The following MAP6 variants were observed in gnomAD, a reference collection of about 807,000 sequenced individuals.
MAP6 encodes microtubule-associated protein 6.
In MAP6, 26 loss-of-function variants were observed where a neutral mutation model predicts 42.4. The observed-to-expected ratio is 0.61, with a 90% confidence interval of 0.45 to 0.85. MAP6 has a LOEUF of 0.85. MAP6 is among the 40% of genes least tolerant of loss of function. MAP6 has a pLI of 0.00. For missense variants in MAP6, 966 were observed against 1,099.0 expected, an observed-to-expected ratio of 0.88 and a Z score of 1.71; for synonymous variants, 418 against 443.8, an observed-to-expected ratio of 0.94 and a Z score of 0.73.
intron 1 of MAP6, among the ~76,000 whole-genome samples, chr11:75,629,980 A>C (rs1159207849): frequency 1.3e-5 from 2 of 152,240 alleles, no homozygotes; most frequent in Non-Finnish European, 2.9e-5. Flanking sequence ...CAGCAAAGAC[A>C]AGGCTAGGAC....
intron 3 of MAP6, 69 bp downstream of exon 3, chr11:75,605,739 G>A (rs376593543): frequency 1.3e-6 from 2 of 1,575,552 alleles, no homozygotes; most frequent in African/African-American, 1.4e-5. Context: ...TGGTTTGTTG[G>A]TTTAAAAAAA....
At chr11:75,633,270 G>A (rs1279699448) in intron 1 of MAP6, among the ~76,000 whole-genome samples, 2 of 152,128 alleles carry the variant, frequency 1.3e-5, no homozygotes, top group Admixed American at 1.3e-4. Flanking sequence ...AAAGGTCCAT[G>A]TGCCTTTTGT....
chr11:75,612,338 G>C (rs141635189), intron 1 of MAP6, among the ~76,000 whole-genome samples: 2,140 of 152,354 alleles, frequency 0.014, 34 homozygotes, highest in African/African-American at 0.035. Flanking sequence ...AGCCATGGAT[G>C]AGGTGTCTAG....
intron 1 of MAP6, among the ~76,000 whole-genome samples, chr11:75,665,107 T>C (rs1565284563): frequency 1.3e-5 from 2 of 152,204 alleles, no homozygotes; most frequent in East Asian, 3.8e-4. Flanking sequence ...AAAGATTTTT[T>C]TGACAGGTTA....
intron 3 of MAP6, among the ~76,000 whole-genome samples, chr11:75,591,855 A>G (rs1942482400): frequency 6.6e-6 from 1 of 152,174 alleles, no homozygotes; most frequent in African/African-American, 2.4e-5. Flanking sequence ...AACGATATAA[A>G]TGTCAGGGAT....
chr11:75,609,241 G>A (rs1269934555), intron 1 of MAP6, among the ~76,000 whole-genome samples: 3 of 152,210 alleles, frequency 2.0e-5, no homozygotes, highest in Non-Finnish European at 2.9e-5. Context: ...CAGGCCACGA[G>A]GGTCTATTCT....
Position 75,667,870 on chromosome 11 carries a change from C to G in MAP6, c.500G>C (p.Arg167Pro). 2 of 1,444,202 alleles carry G rather than the reference C, an allele frequency of 1.4e-6. No homozygotes were observed. Among genetic ancestry groups the G allele is most frequent in the Non-Finnish European group, 1.8e-6 (2 of 1,095,626 alleles). 89.5% of individuals were successfully genotyped at this position (1,444,202 alleles called of 1,614,324 possible). Residue 167 changes from arginine (R) to proline (P), a missense_variant, in exon 1 of 4, where the codon CGC (arginine) becomes CCC (proline). This residue lies in a region of MAP6 where 943 missense variants were observed against 1,049.9 expected (regional missense o/e 0.90). Transcript: ENST00000304771. The surrounding 1 kb of genome is among the most constrained non-coding windows in gnomAD (Gnocchi z 5.6). Reference sequence around the variant, plus strand: ...GGGGATCCACGGGTGGTCCCCGCGGCGCGGCAGCGGCCAGGCGCGGAAGTC... The same window carrying G: ...GGGGATCCACGGGTGGTCCCCGCGGGGCGGCAGCGGCCAGGCGCGGAAGTC... ...QKDFRAWPLP[R>P]RGDHPWIPKP... is the part of the protein sequence containing the mutation.
intron 3 of MAP6, among the ~76,000 whole-genome samples, chr11:75,598,183 G>C (rs1942614205): frequency 6.6e-6 from 1 of 152,220 alleles, no homozygotes. Flanking sequence ...TATATTCGAA[G>C]AGTGATCGAT....
rs534394060 is a variant in MAP6, at chr11:75,658,938, T to C, written c.905+8527A>G. Among the ~76,000 whole-genome samples the C allele has an allele frequency of 1.2e-4, 19 of 152,356 alleles. No homozygotes were observed. In the South Asian group the frequency reaches 3.7e-3, roughly 30 times the overall value. On this transcript the variant is annotated intron_variant, in intron 1 of 3. Transcript: ENST00000304771. ...CTCTTCTCTGTGCTCCACCATGCCC[T>C]GCACAGATATTTTATCAGGGCACCT...
intron 1 of MAP6, among the ~76,000 whole-genome samples, chr11:75,624,390 A>T (rs1217520961): frequency 6.6e-6 from 1 of 152,098 alleles, no homozygotes; most frequent in Non-Finnish European, 1.5e-5. Context: ...TCTATGCCAG[A>T]GGGGTGGGCG....
At chr11:75,636,443 G>A (rs1279929495) in intron 1 of MAP6, among the ~76,000 whole-genome samples, 4 of 152,162 alleles carry the variant, frequency 2.6e-5, no homozygotes, top group Non-Finnish European at 5.9e-5. Context: ...CTTTGCCTCT[G>A]TATTAAGGGC....
At chr11:75,637,667 T>C (rs1203619771) in intron 1 of MAP6, among the ~76,000 whole-genome samples, 1 of 152,106 alleles carries the variant, frequency 6.6e-6, no homozygotes, top group Admixed American at 6.5e-5. Flanking sequence ...GCCTCAGATG[T>C]CACATCTCTA....
At chr11:75,601,793 C>A (rs565751234) in intron 3 of MAP6, among the ~76,000 whole-genome samples, 1 of 151,414 alleles carries the variant, frequency 6.6e-6, no homozygotes, top group Non-Finnish European at 1.5e-5. Flanking sequence ...GAGCTACCCC[C>A]CCAGAACTGA....
chr11:75,602,720 TA>T, intron 3 of MAP6: 2 of 640,014 alleles, frequency 3.1e-6, no homozygotes, highest in African/African-American at 2.0e-5. Flanking sequence ...AGAGGCAATC[TA>T]AAAGAGTCAA....
At chr11:75,630,283 A>T (rs1943265187) in intron 1 of MAP6, among the ~76,000 whole-genome samples, 1 of 152,120 alleles carries the variant, frequency 6.6e-6, no homozygotes, top group Non-Finnish European at 1.5e-5. Flanking sequence ...GACCTTATAG[A>T]ATGAGCTATG....
chr11:75,634,662 C>T (rs1251542605), intron 1 of MAP6, among the ~76,000 whole-genome samples: 2 of 152,228 alleles, frequency 1.3e-5, no homozygotes, highest in Non-Finnish European at 2.9e-5. Context: ...ACAGAGATGG[C>T]TCTTATTAGA....
At chr11:75,621,987 C>A (rs189396824) in intron 1 of MAP6, among the ~76,000 whole-genome samples, 52 of 152,084 alleles carry the variant, frequency 3.4e-4, no homozygotes, top group Admixed American at 3.1e-3. Flanking sequence ...CATGCCACTG[C>A]ACTCCAGCAT....
intron 2 of MAP6, chr11:75,607,746 C>T: frequency 7.0e-6 from 6 of 859,324 alleles, no homozygotes; most frequent in Non-Finnish European, 8.4e-6. Context: ...GCCTACAATA[C>T]TGGGCCAGCC....
intron 1 of MAP6, among the ~76,000 whole-genome samples, chr11:75,644,920 G>C (rs1943530821): frequency 6.6e-6 from 1 of 152,124 alleles, no homozygotes; most frequent in Admixed American, 6.5e-5. Flanking sequence ...AGAATCTTCA[G>C]ATGCAGGAAA....
Sources: allele counts gnomAD v4.1 joint callset (sites outside exome capture counted in the v4.1 genomes callset), GRCh38; gene constraint gnomAD v4.1.1; regional missense constraint gnomAD v4.1.1; non-coding constraint Gnocchi (gnomAD v3.1); transcripts MANE v1.5; gene names NCBI Gene and HGNC (gene_info 2026-07-23, HGNC 2026-07-21).